Variants in ADGRB3 observed in about 807,000 individuals in gnomAD.
The protein encoded by ADGRB3 is brain-specific angiogenesis inhibitor 3.
Under a neutral mutation model 193.4 loss-of-function variants are expected in ADGRB3, and 37 were observed. That is an observed-to-expected ratio of 0.19 (90% CI 0.15 to 0.25). The LOEUF (loss-of-function observed/expected upper bound fraction) is 0.25, where lower values mean the gene tolerates loss of function less well. Among genes scored for constraint, ADGRB3 ranks in the 10% least tolerant of loss-of-function variants. ADGRB3 has a pLI of 1.00. For synonymous variants in ADGRB3, 690 were observed against 644.2 expected (o/e 1.07, Z -1.08); for missense variants, 1,637 against 1,852.9 (o/e 0.88, Z 2.14).
intron 17 of ADGRB3, among the ~76,000 whole-genome samples, chr6:69,133,260 G>A (rs1284985796): frequency 6.6e-6 from 1 of 152,130 alleles, no homozygotes; most frequent in Non-Finnish European, 1.5e-5. Context: ...CCATGAGCAT[G>A]GAATGTTTTT....
At chr6:68,894,352 C>T (rs1327619212) in intron 3 of ADGRB3, among the ~76,000 whole-genome samples, 1 of 151,854 alleles carries the variant, frequency 6.6e-6, no homozygotes, top group Non-Finnish European at 1.5e-5. Flanking sequence ...GTGTAAAGTT[C>T]TGCTGGTTTA....
At chr6:68,730,161 T>C (rs1050468376) in intron 3 of ADGRB3, among the ~76,000 whole-genome samples, 1 of 151,702 alleles carries the variant, frequency 6.6e-6, no homozygotes, top group Admixed American at 6.6e-5. Context: ...TAAATTCTTA[T>C]ATTTAGTTAA....
intron 17 of ADGRB3, among the ~76,000 whole-genome samples, chr6:69,100,856 AGGAAGGAAGGAAGGAAGAAGGAAGGGAG>A (rs1773017921): frequency 1.2e-4 from 3 of 24,704 alleles, no homozygotes; most frequent in East Asian, 7.1e-3. Flanking sequence ...GAGGGAGGGA[AGGAAGGAAGGAAGGAAGAAGGAAGGGAG>A]GGAAGGAAGG....
intron 3 of ADGRB3, among the ~76,000 whole-genome samples, chr6:68,679,504 G>A (rs559584343): frequency 1.3e-5 from 2 of 152,046 alleles, no homozygotes; most frequent in Non-Finnish European, 2.9e-5. Context: ...GACACAAAGA[G>A]TATTGGTAAA....
intron 17 of ADGRB3, among the ~76,000 whole-genome samples, chr6:69,172,127 A>G (rs1480819101): frequency 6.6e-6 from 1 of 152,210 alleles, no homozygotes; most frequent in Non-Finnish European, 1.5e-5. Context: ...CATGGGGGCT[A>G]TCATATGAGC....
intron 3 of ADGRB3, among the ~76,000 whole-genome samples, chr6:68,751,082 G>A (rs6908159): frequency 0.37 from 55,992 of 152,066 alleles, 10,948 homozygotes; most frequent in African/African-American, 0.49. Flanking sequence ...AAATGTGGAT[G>A]CAGGTTACCT....
chr6:68,650,604 G>T (rs570425427), intron 3 of ADGRB3, among the ~76,000 whole-genome samples: 13 of 152,024 alleles, frequency 8.6e-5, no homozygotes, highest in African/African-American at 2.4e-4. Flanking sequence ...TAGAATTTTG[G>T]TTGCTGTTCA....
chr6:69,037,968 A>G (rs1045195276), intron 13 of ADGRB3, among the ~76,000 whole-genome samples: 2 of 152,276 alleles, frequency 1.3e-5, no homozygotes, highest in African/African-American at 2.4e-5. Context: ...CCCAAATACT[A>G]TGCCAGTCCA....
At chr6:68,789,172 T>C (rs972779922) in intron 3 of ADGRB3, among the ~76,000 whole-genome samples, 4 of 152,072 alleles carry the variant, frequency 2.6e-5, no homozygotes, top group African/African-American at 9.7e-5. Context: ...TTAATATTGT[T>C]ATGTGTGAAT....
At chr6:68,885,316 C>A (rs1157744206) in intron 3 of ADGRB3, among the ~76,000 whole-genome samples, 1 of 152,012 alleles carries the variant, frequency 6.6e-6, no homozygotes, top group Non-Finnish European at 1.5e-5. Context: ...GTATGGAATG[C>A]GACCTTCTCC....
intron 20 of ADGRB3, among the ~76,000 whole-genome samples, chr6:69,279,481 CCTAG>C (rs1302418616): frequency 6.6e-6 from 1 of 151,172 alleles, no homozygotes; most frequent in Non-Finnish European, 1.5e-5. Context: ...TGTGTATTTA[CCTAG>C]CTATTTCTTA....
intron 11 of ADGRB3, among the ~76,000 whole-genome samples, chr6:69,002,561 C>T (rs1769612609): frequency 6.6e-6 from 1 of 152,100 alleles, no homozygotes; most frequent in South Asian, 2.1e-4. Context: ...AGATATGTTG[C>T]ACCATGGATT....
intron 17 of ADGRB3, among the ~76,000 whole-genome samples, chr6:69,215,453 C>CGTGTGTGTGT (rs10651298): frequency 1.4e-5 from 2 of 146,612 alleles, no homozygotes; most frequent in African/African-American, 5.0e-5. Context: ...TGAACAGAAA[C>CGTGTGTGTGT]GTGTGTGTGT....
intron 3 of ADGRB3, among the ~76,000 whole-genome samples, chr6:68,740,619 C>G (rs1056850993): frequency 2.6e-5 from 4 of 152,170 alleles, no homozygotes; most frequent in Non-Finnish European, 5.9e-5. Flanking sequence ...GAATCATGTC[C>G]TTGTATGGGC....
chr6:69,037,136 A>G (rs7743332), intron 13 of ADGRB3, among the ~76,000 whole-genome samples: 64,509 of 151,886 alleles, frequency 0.42, 14,381 homozygotes, highest in African/African-American at 0.47. Context: ...GGGCGAAAAT[A>G]TCAATAGTAA....
At chr6:68,918,256 G>A (rs73747852) in intron 3 of ADGRB3, among the ~76,000 whole-genome samples, 19,143 of 152,062 alleles carry the variant, frequency 0.13, 1,245 homozygotes, top group Non-Finnish European at 0.14. Context: ...TGTTAAGATG[G>A]AATAGGGAAT....
chr6:68,638,921 C>A lies in ADGRB3; in HGVS notation c.246C>A (p.Asn82Lys), dbSNP rs746606204. 24 of 1,614,036 alleles carry A rather than the reference C, an allele frequency of 1.5e-5. No homozygotes were observed. Among genetic ancestry groups the A allele is most frequent in the East Asian group, 4.5e-5 (2 of 44,870 alleles). ...CCAAAAAGGACCTTAGCTGCTCTAA[C>A]TTTTCACTCCTGGCTTATCAGTTTG... ...KFSKKDLSCS[N>K]FSLLAYQFDH... The change falls in exon 3 of 32, where the codon AAC becomes AAA. Residue 82 changes from asparagine (N) to lysine (K), a missense_variant. By Grantham distance (94) the Asn-to-Lys change is moderately conservative. Around this residue, in one of 7 missense-constraint regions of ADGRB3, gnomAD observed 365 missense variants for 409.8 expected, o/e 0.89. Coordinates refer to ENST00000370598, the MANE Select transcript of ADGRB3 (RefSeq NM_001704.3).
intron 17 of ADGRB3, among the ~76,000 whole-genome samples, chr6:69,189,528 G>C (rs1041515940): frequency 6.6e-6 from 1 of 152,154 alleles, no homozygotes; most frequent in African/African-American, 2.4e-5. Context: ...ATGTGACTAT[G>C]ATTGGAGTCA....
At chr6:69,283,737 T>C (rs1274538640) in intron 20 of ADGRB3, among the ~76,000 whole-genome samples, 1 of 152,206 alleles carries the variant, frequency 6.6e-6, no homozygotes, top group African/African-American at 2.4e-5. Context: ...AGTAAACCAA[T>C]GTGTAGTCCA....
Sources: allele counts gnomAD v4.1 joint callset (sites outside exome capture counted in the v4.1 genomes callset), GRCh38; gene constraint gnomAD v4.1.1; regional missense constraint gnomAD v4.1.1; transcripts MANE v1.5; gene names NCBI Gene and HGNC (gene_info 2026-07-23, HGNC 2026-07-21).